The following CHUK variants were observed in gnomAD, a reference collection of about 807,000 sequenced individuals.
CHUK encodes the protein component of inhibitor of nuclear factor kappa B kinase complex.
A neutral mutation model predicts 104.8 loss-of-function variants in CHUK; 35 were observed. The ratio of observed to expected loss-of-function variants is 0.33; its 90% confidence interval spans 0.26 to 0.44. The LOEUF (loss-of-function observed/expected upper bound fraction) is 0.44. Among genes scored for constraint, CHUK ranks in the 20% least tolerant of loss-of-function variants. CHUK has a pLI of 1.00. For missense variants in CHUK, 663 were observed against 902.7 expected (o/e 0.73, Z 3.40); for synonymous variants, 276 against 291.9 (o/e 0.95, Z 0.56).
intron 20 of CHUK, chr10:100,190,631 C>A: frequency 1.9e-6 from 1 of 528,488 alleles, no homozygotes; most frequent in South Asian, 2.0e-5. Context: ...AAGCTTACCA[C>A]TCATTTAATT....
At chr10:100,194,655 T>A (rs1227010136) in intron 16 of CHUK, 134 bp from the exon 17 acceptor site, 2 of 618,934 alleles carry the variant, frequency 3.2e-6, no homozygotes, top group Non-Finnish European at 5.7e-6. Context: ...AAATTAAAAA[T>A]TGGGTTAAGA....
At chr10:100,197,386 CT>C (rs1564830723) in intron 16 of CHUK, among the ~76,000 whole-genome samples, 1 of 152,182 alleles carries the variant, frequency 6.6e-6, no homozygotes, top group Non-Finnish European at 1.5e-5. Flanking sequence ...ACCCACCTCT[CT>C]TCTTTCCTGA....
chr10:100,215,514 G>A (rs935587480), intron 9 of CHUK, among the ~76,000 whole-genome samples: 2 of 150,576 alleles, frequency 1.3e-5, no homozygotes, highest in African/African-American at 2.5e-5. Context: ...TTAGGGGCGT[G>A]AAAGAGGAGG....
At chr10:100,193,480 T>C in intron 18 of CHUK, 49 bp from the exon 19 acceptor site, 1 of 1,607,192 alleles carries the variant, frequency 6.2e-7, no homozygotes, top group Non-Finnish European at 8.5e-7. Context: ...AGCATCTCTG[T>C]TGATTCACAC....
Position 100,193,418 on chromosome 10 carries a change from G to A in CHUK, c.1988C>T (p.Ala663Val). The change falls in exon 19 of 21, where the codon GCC becomes GTC. Residue 663 changes from alanine to valine, a missense_variant. By Grantham distance (64) the Ala-to-Val change is moderately conservative. This residue lies in a region of CHUK where 311 missense variants were observed against 393.4 expected (regional missense o/e 0.79). Transcript: ENST00000370397. Reference protein sequence around the residue: ...LLKIACTQSSARSLVGSSLEG... With the variant: ...LLKIACTQSSVRSLVGSSLEG... ...TAGACTGGATCCTACAAGGGACCGG[G>A]CAGAACTCTGTGTCTGAAGGAAAAG... 2.5e-6 allele frequency: 4 copies of A among 1,614,074 alleles called. No homozygotes were observed. Among genetic ancestry groups the A allele is most frequent in the Non-Finnish European group, 3.4e-6 (4 of 1,179,962 alleles).
chr10:100,197,738 G>A (rs1845369652), intron 16 of CHUK, among the ~76,000 whole-genome samples: 1 of 151,956 alleles, frequency 6.6e-6, no homozygotes, highest in Non-Finnish European at 1.5e-5. Context: ...TCATATCTAC[G>A]AGAGCCACCT....
chr10:100,221,514 T>C (rs1431762568), intron 4 of CHUK, among the ~76,000 whole-genome samples: 1 of 152,130 alleles, frequency 6.6e-6, no homozygotes, highest in Admixed American at 6.6e-5. Context: ...AAAATTACTA[T>C]GTCAATGGTA....
intron 16 of CHUK, among the ~76,000 whole-genome samples, chr10:100,196,288 G>A (rs1199185849): frequency 1.3e-5 from 2 of 151,328 alleles, no homozygotes; most frequent in Non-Finnish European, 2.9e-5. Context: ...TGCTCTATCA[G>A]TTCCTGTATC....
At chr10:100,205,842 C>T (rs1284228202) in intron 11 of CHUK, among the ~76,000 whole-genome samples, 8 of 152,174 alleles carry the variant, frequency 5.3e-5, no homozygotes, top group Non-Finnish European at 1.0e-4. Flanking sequence ...ACAGGAGAAT[C>T]GCTTGTACCC....
Position 100,194,077 on chromosome 10 carries a change from C to T in CHUK, c.1881G>A (p.Val627=), listed in dbSNP as rs1159808573. ...KIIDLLPKVE[V]ALSNIKEADN... is the part of the protein sequence containing the mutation. ...CAGCTTCTTTGATATTACTGAGGGC[C>T]ACTTCCACCTTAGGGAGTAGATCAA... Residue 627 remains valine (V), a synonymous_variant, in exon 18 of 21, where the codon GTG becomes GTA. Coordinates refer to ENST00000370397, the MANE Select transcript of CHUK (RefSeq NM_001278.5). The T allele has an allele frequency of 1.2e-6, 2 of 1,613,596 alleles. No homozygotes were observed.
At chr10:100,209,884 T>C (rs1845684110) in intron 9 of CHUK, 95 bp from the exon 10 acceptor site, 1 of 649,416 alleles carries the variant, frequency 1.5e-6, no homozygotes, top group Non-Finnish European at 2.8e-6. Flanking sequence ...GCAAAAGGCA[T>C]TATTTCTACA....
At chr10:100,212,907 G>A (rs1212032343) in intron 9 of CHUK, among the ~76,000 whole-genome samples, 2 of 151,272 alleles carry the variant, frequency 1.3e-5, no homozygotes, top group African/African-American at 4.9e-5. Flanking sequence ...TCAGAAGGCT[G>A]AGGCAGGAGA....
rs751434001 is a variant in CHUK, at chr10:100,190,919, A to C, written c.2158T>G (p.Leu720Val). The change falls in exon 20 of 21, where the codon TTA becomes GTA. Residue 720 changes from leucine to valine, a missense_variant. Physicochemically the swap from Leu to Val is conservative, Grantham distance 32. Coordinates refer to ENST00000370397, the MANE Select transcript of CHUK (RefSeq NM_001278.5). Reference protein sequence around the residue: ...IEENLNCLGHLSTIIHEANEE... With the variant: ...IEENLNCLGHVSTIIHEANEE... Reference sequence around the variant, plus strand: ...TTTGCCTCATGAATAATAGTGCTTAAATGGCCAAGGCAGTTCAAATTTTCT... The same window carrying C: ...TTTGCCTCATGAATAATAGTGCTTACATGGCCAAGGCAGTTCAAATTTTCT... 6.2e-7 allele frequency: 1 copy of C among 1,613,028 alleles called. No homozygotes were observed. Among genetic ancestry groups the C allele is most frequent in the Non-Finnish European group, 8.5e-7 (1 of 1,178,940 alleles).
At chr10:100,195,980 CCAGGCTAGAGTGCAGTGGCACAGT>C (rs1201411766) in intron 16 of CHUK, 1 of 152,162 alleles carries the variant, frequency 6.6e-6, no homozygotes, top group Admixed American at 6.5e-5. Context: ...GCTCTGTCAC[CCAGGCTAGAGTGCAGTGGCACAGT>C]CTTGGTTCAC....
At position 100,190,048 on chromosome 10, in the gene CHUK, A is replaced by G. The variant is rs551477631; in HGVS notation, c.2209-421T>C. Reference sequence around the variant, plus strand: ...TTTTTTTTTTTTTTTCCCCGAGACAAAGTCTCACTCTGTCACAGGCTGGAG... The same window carrying G: ...TTTTTTTTTTTTTTTCCCCGAGACAGAGTCTCACTCTGTCACAGGCTGGAG... On this transcript the variant is annotated intron_variant, in intron 20 of 20. Coordinates refer to ENST00000370397, the MANE Select transcript of CHUK (RefSeq NM_001278.5). 188 of 160,624 alleles carry G rather than the reference A, an allele frequency of 1.2e-3. 3 individuals are homozygous for G. Among genetic ancestry groups the G allele is most frequent in the Admixed American group, 0.012 (186 of 15,992 alleles). 9.9% of individuals were successfully genotyped at this position (160,624 alleles called of 1,614,324 possible). A position where few individuals can be genotyped will look rare whatever the true frequency, so the allele number is the denominator to read the frequency against.
chr10:100,229,376 AAACCCACCGCCGCTCC>A (rs572872217), intron 1 of CHUK, 36 bp downstream of exon 1: 45 of 1,372,180 alleles, frequency 3.3e-5, no homozygotes, highest in East Asian at 2.1e-4. Flanking sequence ...ACAGACGCTC[AAACCCACCGCCGCTCC>A]AACCCACCGC....
intron 9 of CHUK, among the ~76,000 whole-genome samples, chr10:100,216,210 A>G (rs1845852186): frequency 6.6e-6 from 1 of 152,240 alleles, no homozygotes; most frequent in South Asian, 2.1e-4. Flanking sequence ...TATGACAAGT[A>G]TGAAACAAAT....
At chr10:100,191,095 A>ACTCCTGTAGTCTTTAGTTTC (rs1259661655) in intron 19 of CHUK, 127 bp from the exon 20 acceptor site, 1 of 723,292 alleles carries the variant, frequency 1.4e-6, no homozygotes, top group African/African-American at 1.7e-5. Flanking sequence ...AGTGCAGTTG[A>ACTCCTGTAGTCTTTAGTTTC]CTCCTGTAGT....
chr10:100,194,697 T>C (rs575765878), intron 16 of CHUK, 176 bp from the exon 17 acceptor site: 1 of 484,232 alleles, frequency 2.1e-6, no homozygotes, highest in Admixed American at 3.4e-5. Flanking sequence ...ATAAATAAAA[T>C]CTAGTTATAT....
Sources: gnomAD v4.1 joint callset for allele counts (sites outside exome capture counted in the v4.1 genomes callset) on GRCh38, gnomAD v4.1.1 for gene constraint, gnomAD v4.1.1 regional missense constraint, MANE v1.5 for transcripts, NCBI Gene and HGNC (gene_info 2026-07-23, HGNC 2026-07-21) for gene names.